Variants in RORB observed in about 807,000 individuals in gnomAD.
The protein encoded by RORB is nuclear receptor ROR-beta.
In RORB, 6 loss-of-function variants were observed where a neutral mutation model predicts 59.1. That is an observed-to-expected ratio of 0.10 (90% CI 0.06 to 0.20). The LOEUF is 0.20. Among genes scored for constraint, RORB ranks in the 10% least tolerant of loss-of-function variants. The pLI is 1.00. For synonymous variants in RORB, 215 were observed against 204.5 expected (o/e 1.05, Z -0.44); for missense variants, 320 against 560.5 (o/e 0.57, Z 4.33).
chr9:74,669,075 A>G (rs1317969907), intron 8 of RORB, among the ~76,000 whole-genome samples: 1 of 152,236 alleles, frequency 6.6e-6, no homozygotes, highest in Non-Finnish European at 1.5e-5. Context: ...CATAATAACT[A>G]AGACCTCTAC....
rs1261673612 is a variant in RORB at position 74,690,139 on chromosome 9, TG to T, written c.*4522del. 6.6e-6 allele frequency: 1 copy of T among 152,190 alleles called. No individual in the cohort carries two copies. Among genetic ancestry groups the T allele is most frequent in the African/African-American group, 2.4e-5 (1 of 41,448 alleles). 9.4% of individuals were successfully genotyped at this position (152,190 alleles called of 1,614,324 possible). On this transcript the variant is annotated 3_prime_UTR_variant, in exon 10 of 10. Coordinates refer to ENST00000376896, the MANE Select transcript of RORB (RefSeq NM_006914.4). ...AAAGAAGAGAGGAAAGCCTACCATC[TG>T]CTTTAGACGAAGTGTTATTTGATGT... is the stretch of plus-strand genomic sequence containing the variant.
At chr9:74,659,093 A>G (rs542477810) in intron 4 of RORB, among the ~76,000 whole-genome samples, 2 of 152,218 alleles carry the variant, frequency 1.3e-5, no homozygotes, top group African/African-American at 4.8e-5. Context: ...ATGACAAACT[A>G]TGTAGACTGT....
At chr9:74,577,321 T>A (rs1822651540) in intron 1 of RORB, among the ~76,000 whole-genome samples, 2 of 152,074 alleles carry the variant, frequency 1.3e-5, no homozygotes, top group African/African-American at 4.8e-5. Context: ...TCCTTTGGCT[T>A]CCAAATTATT....
chr9:74,570,812 C>T (rs1347866969), intron 1 of RORB, among the ~76,000 whole-genome samples: 6 of 152,070 alleles, frequency 3.9e-5, no homozygotes, highest in East Asian at 1.9e-4. Flanking sequence ...CTTACTATAC[C>T]TCCGAGTTAT....
rs563041554 is a variant in RORB, at chr9:74,514,437, A to T, written c.7+16454A>T. Among the ~76,000 whole-genome samples, 21 of 152,132 alleles carry T rather than the reference A, an allele frequency of 1.4e-4. No individual in the cohort carries two copies. In the South Asian group the frequency reaches 3.5e-3, roughly 26 times the overall value. On this transcript the variant is annotated intron_variant, in intron 1 of 9. Transcript: ENST00000376896. Reference sequence around the variant, plus strand: ...CAATGTGTAAATGAAAAATCATGGCAATGTTCCAATAAAACTTTATTTACA... The same window carrying T: ...CAATGTGTAAATGAAAAATCATGGCTATGTTCCAATAAAACTTTATTTACA...
chr9:74,601,333 TTTTAA>T (rs1347593016), intron 1 of RORB, among the ~76,000 whole-genome samples: 1 of 150,050 alleles, frequency 6.7e-6, no homozygotes, highest in Non-Finnish European at 1.5e-5. Flanking sequence ...TTATTTTAAA[TTTTAA>T]TTTAATTTAA....
intron 4 of RORB, among the ~76,000 whole-genome samples, chr9:74,648,288 T>C (rs768194235): frequency 6.6e-6 from 1 of 152,162 alleles, no homozygotes; most frequent in Non-Finnish European, 1.5e-5. Context: ...TTAGGGAAAG[T>C]ACATTGAGAT....
At chr9:74,657,686 A>G (rs1722640996) in intron 4 of RORB, among the ~76,000 whole-genome samples, 1 of 152,126 alleles carries the variant, frequency 6.6e-6, no homozygotes, top group Non-Finnish European at 1.5e-5. Context: ...ATGACATGAA[A>G]TTATATTATT....
At chr9:74,591,375 G>T (rs1009880578) in intron 1 of RORB, among the ~76,000 whole-genome samples, 1 of 152,112 alleles carries the variant, frequency 6.6e-6, no homozygotes, top group African/African-American at 2.4e-5. Flanking sequence ...AAACATCATG[G>T]TCTCCTCATT....
At chr9:74,619,866 C>T (rs931489046) in intron 1 of RORB, among the ~76,000 whole-genome samples, 1 of 152,192 alleles carries the variant, frequency 6.6e-6, no homozygotes, top group African/African-American at 2.4e-5. Flanking sequence ...TATGCTGAAC[C>T]AGCCTTGCAT....
chr9:74,538,528 T>C (rs1826356097), intron 1 of RORB, among the ~76,000 whole-genome samples: 1 of 152,154 alleles, frequency 6.6e-6, no homozygotes. Flanking sequence ...CCTCTGTTAG[T>C]ATTTTGCTTC....
At chr9:74,683,163 T>C (rs1824574610) in intron 9 of RORB, among the ~76,000 whole-genome samples, 1 of 152,232 alleles carries the variant, frequency 6.6e-6, no homozygotes, top group Non-Finnish European at 1.5e-5. Context: ...TCAAGAGCTC[T>C]GCACATCATC....
rs1824638296 is a variant in RORB, at chr9:74,686,094, A to G, written c.*476A>G. The G allele has an allele frequency of 6.5e-6, 1 of 152,864 alleles. No individual in the cohort carries two copies. Among genetic ancestry groups the G allele is most frequent in the Non-Finnish European group, 1.5e-5 (1 of 68,184 alleles). The allele number at this position is 152,864 out of a possible 1,614,324, so 9.5% of individuals were successfully genotyped here. A position where few individuals can be genotyped will look rare whatever the true frequency, so the allele number is the denominator to read the frequency against. On this transcript the variant is annotated 3_prime_UTR_variant, in exon 10 of 10. Transcript: ENST00000376896. ...GAAAGTACTGTGCATGTATGTAATA[A>G]GTATATAATATGTGAGAATATTATA... is the stretch of plus-strand genomic sequence containing the variant.
intron 1 of RORB, among the ~76,000 whole-genome samples, chr9:74,519,937 T>G (rs1011055440): frequency 2.0e-5 from 3 of 151,870 alleles, no homozygotes; most frequent in African/African-American, 7.3e-5. Flanking sequence ...CGTCCTTCAT[T>G]AACTACATAT....
rs546115245 is a variant in RORB at position 74,676,060 on chromosome 9, G to A, written c.1224+4159G>A. Among the ~76,000 whole-genome samples the A allele has an allele frequency of 2.5e-4, 38 of 152,342 alleles. No homozygotes were observed. In the East Asian group the frequency reaches 6.9e-3, roughly 28 times the overall value. ...AGGCCGGTCCAGCTGGGGCCAAGTT[G>A]TGGCAGTGTGCTCACGGCCAAGACC... is the stretch of plus-strand genomic sequence containing the variant. On this transcript the variant is annotated intron_variant, in intron 9 of 9. Transcript: ENST00000376896.
intron 1 of RORB, among the ~76,000 whole-genome samples, chr9:74,623,042 G>A (rs1399217481): frequency 6.6e-6 from 1 of 152,190 alleles, no homozygotes; most frequent in African/African-American, 2.4e-5. Flanking sequence ...CTTTTCACAT[G>A]TTGGATTTCC....
chr9:74,586,458 A>G (rs755043946), intron 1 of RORB, among the ~76,000 whole-genome samples: 13 of 152,144 alleles, frequency 8.5e-5, no homozygotes, highest in South Asian at 2.1e-4. Flanking sequence ...AGATGGTACC[A>G]CTGCACTCCA....
At chr9:74,630,252 A>G (rs1254280978) in intron 1 of RORB, 30 bp from the exon 2 acceptor site, 5 of 1,608,952 alleles carry the variant, frequency 3.1e-6, no homozygotes, top group Admixed American at 1.7e-5. Context: ...AAACATCTGT[A>G]TGCTCAAAAT....
At chr9:74,675,270 G>C (rs1296020764) in intron 9 of RORB, among the ~76,000 whole-genome samples, 1 of 147,652 alleles carries the variant, frequency 6.8e-6, no homozygotes, top group Non-Finnish European at 1.5e-5. Context: ...CAGGAAATGA[G>C]ATAACACTGG....
Sources: gnomAD v4.1 joint callset for allele counts (sites outside exome capture counted in the v4.1 genomes callset) on GRCh38, gnomAD v4.1.1 for gene constraint, MANE v1.5 for transcripts, NCBI Gene and HGNC (gene_info 2026-07-23, HGNC 2026-07-21) for gene names.